The following PRMT7 variants were observed in gnomAD, a reference collection of about 807,000 sequenced individuals.
PRMT7 encodes the protein protein arginine methyltransferase 7.
In PRMT7, 75 loss-of-function variants were observed where a neutral mutation model predicts 85.4. The observed-to-expected ratio is 0.88, with a 90% CI of 0.73 to 1.06. PRMT7 has a LOEUF of 1.06. Ranked by LOEUF, PRMT7 falls within the 50% of genes least tolerant of loss-of-function variation. The probability of loss-of-function intolerance (pLI) is 0.00; values close to 1 mark genes in which losing one functional copy is unlikely to be tolerated. For missense variants in PRMT7, 868 were observed against 915.2 expected, an observed-to-expected ratio of 0.95 and a Z score of 0.67; for synonymous variants, 397 against 359.5, an observed-to-expected ratio of 1.10 and a Z score of -1.18.
intron 6 of PRMT7, among the ~76,000 whole-genome samples, chr16:68,329,735 G>A (rs556693451): frequency 4.6e-5 from 7 of 152,184 alleles, no homozygotes; most frequent in Admixed American, 1.3e-4. Context: ...CAGGCATGGT[G>A]GTGGGCACCT....
intron 6 of PRMT7, among the ~76,000 whole-genome samples, chr16:68,331,460 TTTG>T (rs139356849): frequency 0.14 from 21,111 of 148,198 alleles, 1,719 homozygotes; most frequent in African/African-American, 0.22. Flanking sequence ...TTTCTCTTTC[TTTG>T]TTGTTCTTTT....
At chr16:68,337,359 AGCGT>A in intron 6 of PRMT7, 96 bp from the exon 7 acceptor site, 2 of 733,810 alleles carry the variant, frequency 2.7e-6, no homozygotes, top group South Asian at 3.6e-5. Flanking sequence ...ATGTGCTTTT[AGCGT>A]GATGGCCCCT....
intron 16 of PRMT7, 102 bp downstream of exon 16, chr16:68,353,668 C>A: frequency 8.9e-7 from 1 of 1,121,400 alleles, no homozygotes; most frequent in Non-Finnish European, 1.2e-6. Flanking sequence ...CTGTTGGGGG[C>A]AGTGAGGTCA....
chr16:68,347,446 C>T, intron 12 of PRMT7, 152 bp downstream of exon 12: 2 of 1,036,884 alleles, frequency 1.9e-6, no homozygotes, highest in Non-Finnish European at 1.4e-6. Flanking sequence ...GGGTTTATTG[C>T]CTGTGCGTGC....
chr16:68,344,933 T>TACAAACACACACACACACACAC lies in PRMT7; in HGVS notation c.928-739_928-738insAACACACACACACACACACACA, dbSNP rs1555563401. Among the ~76,000 whole-genome samples the TACAAACACACACACACACACAC allele has an allele frequency of 1.1e-4, 15 of 131,164 alleles. No homozygotes were observed. The East Asian group carries it at 2.0e-3, about 17-fold the overall frequency. 86.0% of individuals were successfully genotyped at this position (131,164 alleles called of 152,430 possible). A position where few individuals can be genotyped will look rare whatever the true frequency, so the allele number is the denominator to read the frequency against. The stretch of plus-strand genomic sequence containing the variant: ...CTTTCTGCCTCCCTTCCTGCATCTC[T>TACAAACACACACACACACACAC]ACACACACACACACACACACACACG... On this transcript the variant is annotated intron_variant, in intron 9 of 18. Coordinates refer to ENST00000441236, the MANE Select transcript of PRMT7 (RefSeq NM_019023.5).
chr16:68,352,437 A>T (rs369847478), intron 15 of PRMT7, 28 bp downstream of exon 15: 11 of 1,572,708 alleles, frequency 7.0e-6, no homozygotes, highest in Middle Eastern at 1.7e-4. Context: ...TGTTGGAGAA[A>T]AAAGCAGAGG....
intron 9 of PRMT7, among the ~76,000 whole-genome samples, chr16:68,344,457 G>T (rs946656105): frequency 2.0e-5 from 3 of 152,166 alleles, no homozygotes; most frequent in Non-Finnish European, 4.4e-5. Flanking sequence ...TCCGGGCCCC[G>T]TGGCCTTCAG....
downstream of PRMT7, chr16:68,358,743 CAG>C (rs1265439504): frequency 1.3e-5 from 2 of 152,516 alleles, no homozygotes; most frequent in African/African-American, 4.8e-5. Context: ...AGGGCAGGAA[CAG>C]AGTCTTGGTA....
At position 68,347,663 on chromosome 16, in the gene PRMT7, C is replaced by T. The variant is rs1481175865; in HGVS notation, c.1308C>T (p.His436=). 2 of 1,613,852 alleles carry T rather than the reference C, an allele frequency of 1.2e-6. No individual in the cohort carries two copies. The highest frequency in any genetic ancestry group is 1.7e-6 in the Non-Finnish European group (2 of 1,179,866). The change falls in exon 13 of 19, where the codon CAC becomes CAT. Residue 436 remains histidine (H), a synonymous_variant. Transcript: ENST00000441236. ...VFTVESSAAS[H]KLLRKIFKAN... is the part of the protein sequence containing the mutation. ...CAGTCGAGAGTTCAGCAGCTTCTCACAAACTGTTGAGAAAAGTAAGTGAGA... is the reference window on the plus strand; with the variant it reads ...CAGTCGAGAGTTCAGCAGCTTCTCATAAACTGTTGAGAAAAGTAAGTGAGA...
At chr16:68,357,022 C>T in intron 18 of PRMT7, 32 bp from the exon 19 acceptor site, 1 of 1,573,982 alleles carries the variant, frequency 6.4e-7, no homozygotes, top group Non-Finnish European at 8.6e-7. Context: ...TGCCAGGGAG[C>T]CCTCACCATC....
Position 68,352,414 on chromosome 16 carries a change from G to A in PRMT7, c.1575+5G>A. 2 of 1,588,452 alleles carry A rather than the reference G, an allele frequency of 1.3e-6. No homozygotes were observed. Among genetic ancestry groups the A allele is most frequent in the Non-Finnish European group, 1.7e-6 (2 of 1,170,232 alleles). ...GCTGTGGTTGTGGAGTTCAGGGTAGGCCACCCAGGGGATGTTGGAGAAAAA... is the reference window on the plus strand; with the variant it reads ...GCTGTGGTTGTGGAGTTCAGGGTAGACCACCCAGGGGATGTTGGAGAAAAA... On this transcript the variant is annotated splice_donor_5th_base_variant and intron_variant, in intron 15 of 18. Coordinates refer to ENST00000441236, the MANE Select transcript of PRMT7 (RefSeq NM_019023.5).
chr16:68,341,934 G>T (rs1483892204), intron 9 of PRMT7, among the ~76,000 whole-genome samples: 1 of 152,138 alleles, frequency 6.6e-6, no homozygotes, highest in Non-Finnish European at 1.5e-5. Flanking sequence ...CTAACCTGAT[G>T]ATCTTTCATT....
chr16:68,355,362 CT>C, intron 16 of PRMT7: 1 of 181,588 alleles, frequency 5.5e-6, no homozygotes. Context: ...GCATTTATCC[CT>C]CCCTGTGGCC....
intron 4 of PRMT7, among the ~76,000 whole-genome samples, chr16:68,321,892 C>G (rs1041476593): frequency 6.6e-6 from 1 of 152,126 alleles, no homozygotes; most frequent in Non-Finnish European, 1.5e-5. Context: ...TCCTATCTGA[C>G]TGAAACATCA....
At chr16:68,338,789 C>A (rs1163714946) in intron 7 of PRMT7, among the ~76,000 whole-genome samples, 1 of 152,284 alleles carries the variant, frequency 6.6e-6, no homozygotes, top group South Asian at 2.1e-4. Context: ...TGTGCTCTTG[C>A]CGGGTCCCTA....
chr16:68,336,971 T>C (rs2084788135), intron 6 of PRMT7, among the ~76,000 whole-genome samples: 1 of 152,234 alleles, frequency 6.6e-6, no homozygotes, highest in African/African-American at 2.4e-5. Flanking sequence ...CAGGCTGGTC[T>C]TGAACTCCTG....
intron 2 of PRMT7, among the ~76,000 whole-genome samples, chr16:68,312,754 A>T (rs2044089065): frequency 6.6e-6 from 1 of 152,230 alleles, no homozygotes; most frequent in Non-Finnish European, 1.5e-5. Flanking sequence ...GCATTCAGCC[A>T]GAGAAGGTGT....
chr16:68,314,829 T>TG (rs1054471364), intron 2 of PRMT7, among the ~76,000 whole-genome samples: 1 of 152,164 alleles, frequency 6.6e-6, no homozygotes, highest in African/African-American at 2.4e-5. Context: ...TAGATCTCTT[T>TG]GGGGAGACAG....
intron 6 of PRMT7, among the ~76,000 whole-genome samples, chr16:68,333,843 G>T (rs1449693794): frequency 6.6e-6 from 1 of 152,094 alleles, no homozygotes; most frequent in African/African-American, 2.4e-5. Context: ...CATGACCTCG[G>T]CTCACTGCAA....
Sources: gnomAD v4.1 joint callset for allele counts (sites outside exome capture counted in the v4.1 genomes callset) on GRCh38, gnomAD v4.1.1 for gene constraint, MANE v1.5 for transcripts, NCBI Gene and HGNC (gene_info 2026-07-23, HGNC 2026-07-21) for gene names.